IARS2: variants seen among roughly 807,000 people sequenced by gnomAD.
IARS2 encodes the protein isoleucyl-tRNA synthetase 2, mitochondrial.
Under a neutral mutation model 126.3 loss-of-function variants are expected in IARS2, and 56 were observed. That is an observed-to-expected ratio of 0.44 (90% CI 0.36 to 0.55). The LOEUF is 0.55. IARS2 is among the 20% of genes least tolerant of loss of function. The pLI, the probability that IARS2 is intolerant of heterozygous loss-of-function variation, is 0.00. For missense variants in IARS2, 1,127 were observed against 1,245.9 expected (o/e 0.90, Z 1.44); for synonymous variants, 407 against 441.1 (o/e 0.92, Z 0.97).
intron 13 of IARS2, among the ~76,000 whole-genome samples, chr1:220,126,051 G>A (rs1657149280): frequency 6.7e-6 from 1 of 150,270 alleles, no homozygotes; most frequent in South Asian, 2.1e-4. Flanking sequence ...AGCTTGCAGT[G>A]AGCCGAGATC....
chr1:220,123,680 T>C (rs1251449351), intron 12 of IARS2, among the ~76,000 whole-genome samples: 1 of 152,086 alleles, frequency 6.6e-6, no homozygotes, highest in Non-Finnish European at 1.5e-5. Flanking sequence ...GGTTTCACCG[T>C]GTTAGCCAGG....
chr1:220,138,099 T>TA, intron 17 of IARS2, 56 bp downstream of exon 17: 2 of 1,563,950 alleles, frequency 1.3e-6, no homozygotes, highest in Non-Finnish European at 1.8e-6. Context: ...ATCATTGTTT[T>TA]AAAAAATGAG....
intron 12 of IARS2, among the ~76,000 whole-genome samples, chr1:220,120,335 G>T (rs1384042802): frequency 6.7e-6 from 1 of 150,140 alleles, no homozygotes; most frequent in South Asian, 2.1e-4. Flanking sequence ...GCCCGCCTCG[G>T]CCTCCCAGAG....
chr1:220,118,926 AT>A (rs1418399774), intron 12 of IARS2, among the ~76,000 whole-genome samples: 2 of 152,156 alleles, frequency 1.3e-5, no homozygotes, highest in Non-Finnish European at 2.9e-5. Context: ...CCCCTTCCAA[AT>A]TTCACATTGT....
chr1:220,114,463 C>G lies in IARS2; in HGVS notation c.1629C>G (p.Tyr543Ter). 1 of 1,609,978 alleles carries G rather than the reference C, an allele frequency of 6.2e-7. No homozygotes were observed. Among genetic ancestry groups the G allele is most frequent in the Non-Finnish European group, 8.5e-7 (1 of 1,178,698 alleles). ...PVFHHKTKDE[Y>*]LINSQTTEHI... The stretch of plus-strand genomic sequence containing the variant: ...TTCATCATAAGACCAAGGATGAATA[C>G]TTGATCAACAGGTAGAATGCTTTCT... The change falls in exon 12 of 23, where the codon TAC becomes TAG. Residue 543 changes from tyrosine to a stop codon, truncating the protein, a stop_gained. Transcript: ENST00000366922. LOFTEE classifies it high-confidence loss of function.
At chr1:220,095,579 A>G (rs1457920893) in intron 1 of IARS2, among the ~76,000 whole-genome samples, 1 of 152,188 alleles carries the variant, frequency 6.6e-6, no homozygotes, top group Non-Finnish European at 1.5e-5. Context: ...TAAGATGGAT[A>G]TTAACACTTT....
chr1:220,116,579 A>G (rs1571852624), intron 12 of IARS2, among the ~76,000 whole-genome samples: 1 of 152,118 alleles, frequency 6.6e-6, no homozygotes, highest in Non-Finnish European at 1.5e-5. Context: ...TAGAGACTGG[A>G]AAGTCATTGG....
intron 10 of IARS2, among the ~76,000 whole-genome samples, 170 bp from the exon 11 acceptor site, chr1:220,110,616 A>T (rs1033388334): frequency 1.2e-4 from 19 of 152,094 alleles, no homozygotes; most frequent in African/African-American, 4.6e-4. Context: ...TGCCTGCCTC[A>T]GCCTCGCAAA....
chr1:220,110,293 C>G (rs1656772499), intron 10 of IARS2, among the ~76,000 whole-genome samples: 1 of 152,158 alleles, frequency 6.6e-6, no homozygotes, highest in African/African-American at 2.4e-5. Context: ...TTCCTGACCT[C>G]AAGTGATCCT....
Position 220,103,524 on chromosome 1 carries a change from C to T in IARS2, c.1028C>T (p.Thr343Ile). The T allele has an allele frequency of 6.2e-7, 1 of 1,612,886 alleles. No individual in the cohort carries two copies. Among genetic ancestry groups the T allele is most frequent in the African/African-American group, 1.3e-5 (1 of 74,994 alleles). The stretch of plus-strand genomic sequence containing the variant: ...GATAAAGTAGCATCTGTTGCTTCTA[C>T]TTTGGAAACAACATTTGAGACTATT... Reference protein sequence around the residue: ...AADKVASVASTLETTFETIST... With the variant: ...AADKVASVASILETTFETIST... The change falls in exon 8 of 23, where the codon ACT (threonine) becomes ATT (isoleucine). Residue 343 changes from threonine (T) to isoleucine (I), a missense_variant. Coordinates refer to ENST00000366922, the MANE Select transcript of IARS2 (RefSeq NM_018060.4).
At chr1:220,103,915 A>T (rs1215596633) in intron 8 of IARS2, among the ~76,000 whole-genome samples, 1 of 152,264 alleles carries the variant, frequency 6.6e-6, no homozygotes, top group Non-Finnish European at 1.5e-5. Flanking sequence ...ATTTTAATAA[A>T]GGATTGAATA....
intron 2 of IARS2, among the ~76,000 whole-genome samples, chr1:220,098,334 C>T (rs953622029): frequency 2.0e-5 from 3 of 152,198 alleles, no homozygotes; most frequent in Non-Finnish European, 4.4e-5. Flanking sequence ...CTTGCTTTCT[C>T]CTCTTCCTAG....
At chr1:220,120,523 C>T (rs757358774) in intron 12 of IARS2, among the ~76,000 whole-genome samples, 10 of 151,886 alleles carry the variant, frequency 6.6e-5, no homozygotes, top group Admixed American at 2.6e-4. Context: ...ACTATAGTCA[C>T]GCACCACCAT....
chr1:220,124,358 T>G (rs1264777264), intron 12 of IARS2, among the ~76,000 whole-genome samples: 1 of 152,216 alleles, frequency 6.6e-6, no homozygotes. Context: ...CTGTCATGTG[T>G]TAGGTGCTGT....
intron 14 of IARS2, among the ~76,000 whole-genome samples, chr1:220,127,140 A>G (rs1657170623): frequency 1.3e-5 from 2 of 152,204 alleles, no homozygotes; most frequent in African/African-American, 4.8e-5. Flanking sequence ...ACCCCAAGGC[A>G]CCCAGTTTTG....
At chr1:220,143,332 C>T (rs1424723737) in intron 21 of IARS2, 198 bp downstream of exon 21, 1 of 363,330 alleles carries the variant, frequency 2.8e-6, no homozygotes, top group Admixed American at 4.4e-5. Context: ...AAGTCATGCA[C>T]ATTTAAAAAA....
At chr1:220,139,991 T>C (rs145900530) in intron 18 of IARS2, among the ~76,000 whole-genome samples, 192 bp from the exon 19 acceptor site, 2 of 152,330 alleles carry the variant, frequency 1.3e-5, no homozygotes, top group African/African-American at 4.8e-5. Context: ...AGTAAAATAG[T>C]ATTTTCTGAG....
At chr1:220,127,732 T>A (rs1249826434) in intron 14 of IARS2, among the ~76,000 whole-genome samples, 2 of 152,302 alleles carry the variant, frequency 1.3e-5, no homozygotes, top group East Asian at 3.9e-4. Flanking sequence ...AGTAGGTGGA[T>A]CTATTTCCTT....
intron 14 of IARS2, among the ~76,000 whole-genome samples, chr1:220,129,615 T>C (rs1657219800): frequency 2.6e-5 from 4 of 152,242 alleles, no homozygotes; most frequent in Admixed American, 2.6e-4. Flanking sequence ...TATTTGTCTT[T>C]CTATGCTTGG....
Sources: gnomAD v4.1 joint callset for allele counts (sites outside exome capture counted in the v4.1 genomes callset) on GRCh38, gnomAD v4.1.1 for gene constraint, MANE v1.5 for transcripts, NCBI Gene and HGNC (gene_info 2026-07-23, HGNC 2026-07-21) for gene names.